The following CCDC163 variants were observed in gnomAD, a reference collection of about 807,000 sequenced individuals.
CCDC163 encodes CCDC163 homolog.
CCDC163 carries 13 observed loss-of-function variants against 8.2 expected under a neutral mutation model. The observed-to-expected ratio is 1.59, with a 90% confidence interval of 1.04 to 2.54. The LOEUF (loss-of-function observed/expected upper bound fraction) is 2.54. CCDC163 is among the 30% of genes most tolerant of loss of function. The pLI is 0.00. For synonymous variants in CCDC163, 41 were observed against 30.9 expected (o/e 1.33, Z -1.08); for missense variants, 117 against 78.6 (o/e 1.49, Z -1.85).
At chr1:45,497,806 G>T (rs61788327) in intron 2 of CCDC163, among the ~76,000 whole-genome samples, 11 of 144,934 alleles carry the variant, frequency 7.6e-5, no homozygotes, top group Non-Finnish European at 1.7e-4. Flanking sequence ...GGAGGTGAGG[G>T]GTGCCTCTGC....
At chr1:45,495,266 G>A in intron 4 of CCDC163, 100 bp from the exon 5 acceptor site, 2 of 744,140 alleles carry the variant, frequency 2.7e-6, no homozygotes, top group Non-Finnish European at 5.0e-6. Context: ...GGGACATAGA[G>A]GACTGACAGG....
At chr1:45,496,481 C>T (rs547233469) in intron 4 of CCDC163, 75 bp downstream of exon 4, 13 of 738,370 alleles carry the variant, frequency 1.8e-5, no homozygotes, top group East Asian at 1.3e-4. Context: ...GGCCTCCCTG[C>T]AGAACAGGAT....
In CCDC163 at chr1:45,497,398, C is replaced by G. The variant is rs943050159; in HGVS notation, c.178-15G>C. 1 of 777,084 alleles carries G rather than the reference C, an allele frequency of 1.3e-6. No individual in the cohort carries two copies. Among genetic ancestry groups the G allele is most frequent in the Non-Finnish European group, 2.4e-6 (1 of 416,228 alleles). 48.1% of individuals were successfully genotyped at this position (777,084 alleles called of 1,614,324 possible). On this transcript the variant is annotated splice_polypyrimidine_tract_variant and intron_variant, in intron 2 of 4. Transcript: ENST00000629482. ...GCAGTGCTATTCTAAAGTCAATCAA[C>G]AAATCCAGAGTAAGAAGGCAAGTAG...
chr1:45,499,181 C>A (rs930937195), intron 2 of CCDC163, among the ~76,000 whole-genome samples, 164 bp downstream of exon 2: 1 of 152,130 alleles, frequency 6.6e-6, no homozygotes, highest in African/African-American at 2.4e-5. Context: ...CCAGCCAGGT[C>A]CCCGGCTGAG....
intron 4 of CCDC163, chr1:45,496,308 T>C: frequency 1.7e-6 from 1 of 577,570 alleles, no homozygotes; most frequent in East Asian, 3.2e-5. Context: ...TCTCCCTCTC[T>C]CCCTCCCCAT....
chr1:45,498,827 T>C, intron 2 of CCDC163, among the ~76,000 whole-genome samples: 1 of 152,228 alleles, frequency 6.6e-6, no homozygotes, highest in East Asian at 1.9e-4. Context: ...GATCTGGTAC[T>C]TCTGCTGCTC....
rs546419638 is a variant in CCDC163 at position 45,497,065 on chromosome 1, CAGG to C, written c.262+231_262+233del. Among the ~76,000 whole-genome samples the C allele has an allele frequency of 2.0e-5, 3 of 152,070 alleles. No individual in the cohort carries two copies. The South Asian group carries it at 6.2e-4, about 32-fold the overall frequency. On this transcript the variant is annotated intron_variant, in intron 3 of 4. Transcript: ENST00000629482. ...GCGGGCACCTGTAATCCCAGCTACT[CAGG>C]AGGCTGAGGCAGGAGAATCGCTTGG...
At chr1:45,496,512 C>T (rs1393885505) in intron 4 of CCDC163, 44 bp downstream of exon 4, 5 of 772,156 alleles carry the variant, frequency 6.5e-6, no homozygotes, top group Non-Finnish European at 7.2e-6. Flanking sequence ...AGGAAAGGTC[C>T]TCCATAGAGA....
At chr1:45,495,443 A>G in intron 4 of CCDC163, 3 of 702,828 alleles carry the variant, frequency 4.3e-6, no homozygotes, top group Non-Finnish European at 5.2e-6. Flanking sequence ...GTTCCCAGCT[A>G]CTGTTACTGT....
intron 2 of CCDC163, among the ~76,000 whole-genome samples, chr1:45,498,942 TATCCTC>T (rs376050594): frequency 2.0e-5 from 3 of 152,316 alleles, no homozygotes; most frequent in African/African-American, 7.2e-5. Flanking sequence ...CGACCCCTAG[TATCCTC>T]ATCTTACACA....
rs940396219 is a variant in CCDC163 at position 45,500,043 on chromosome 1, G to C, written c.-434C>G. The stretch of plus-strand genomic sequence containing the variant: ...CTGGGAAACTGAGGTCGCCTCTTGC[G>C]AACACAACCGGCGATGGAGGCGGTG... On this transcript the variant is annotated 5_prime_UTR_variant, in exon 1 of 5. Transcript: ENST00000629482. 1.9e-6 allele frequency: 1 copy of C among 534,304 alleles called. No individual in the cohort carries two copies. Among genetic ancestry groups the C allele is most frequent in the Non-Finnish European group, 3.4e-6 (1 of 295,316 alleles). 33.1% of individuals were successfully genotyped at this position (534,304 alleles called of 1,614,324 possible).
At chr1:45,495,581 A>G in intron 4 of CCDC163, 2 of 700,152 alleles carry the variant, frequency 2.9e-6, no homozygotes, top group South Asian at 3.0e-5. Flanking sequence ...CAGAGAAGAT[A>G]ATGATGTATC....
At chr1:45,497,166 C>A (rs892951423) in intron 3 of CCDC163, 133 bp downstream of exon 3, 2 of 540,656 alleles carry the variant, frequency 3.7e-6, no homozygotes, top group East Asian at 3.1e-5. Context: ...GGCAACAGAG[C>A]GAGGCTGGGC....
In CCDC163 at chr1:45,497,336, A is replaced by C. The variant is rs1295568441; in HGVS notation, c.225T>G (p.Ile75Met). 7.7e-6 allele frequency: 6 copies of C among 780,130 alleles called. No individual in the cohort carries two copies. In the Admixed American group the frequency reaches 1.0e-4, roughly 13 times the overall value. The allele number at this position is 780,130 out of a possible 1,614,324, so 48.3% of individuals were successfully genotyped here. A position where few individuals can be genotyped will look rare whatever the true frequency, so the allele number is the denominator to read the frequency against. ...GCAGCAACTTCAATTCCTTCTGCATAATCTCTGACTCCTCCCACAGCACTG... is the reference window on the plus strand; with the variant it reads ...GCAGCAACTTCAATTCCTTCTGCATCATCTCTGACTCCTCCCACAGCACTG... ...TPAVLWEESE[I>M]MQKELKLLQY... Residue 75 changes from isoleucine (I) to methionine (M), a missense_variant, in exon 3 of 5, where the codon ATT becomes ATG. Ile to Met is a conservative substitution (Grantham distance 10). Transcript: ENST00000629482.
intron 2 of CCDC163, among the ~76,000 whole-genome samples, chr1:45,497,689 C>T (rs1557600309): frequency 1.6e-5 from 1 of 61,762 alleles, no homozygotes; most frequent in Admixed American, 2.1e-4. Flanking sequence ...CGGCAGCCAC[C>T]CCGTCCGGGA....
intron 2 of CCDC163, among the ~76,000 whole-genome samples, chr1:45,498,203 AC>A (rs1643413038): frequency 6.6e-6 from 1 of 151,874 alleles, no homozygotes; most frequent in South Asian, 2.1e-4. Flanking sequence ...AAGAGTCATC[AC>A]CACTCCCTAA....
In CCDC163 at chr1:45,499,614, TGTGGCAGGGGA is replaced by T. The variant is rs762454996; in HGVS notation, c.-16_-6del. On this transcript the variant is annotated 5_prime_UTR_variant, in exon 1 of 5. Coordinates refer to ENST00000629482, the MANE Select transcript of CCDC163 (RefSeq NM_001102601.3). Reference sequence around the variant, plus strand: ...CCAGCTGAGGCTCGTATTCATATCCTGTGGCAGGGGAGCGGCAGGGGTCTGGCTCCCTGGTG... The same window carrying T: ...CCAGCTGAGGCTCGTATTCATATCCTGCGGCAGGGGTCTGGCTCCCTGGTG... 1.3e-6 allele frequency: 1 copy of T among 765,624 alleles called. No individual in the cohort carries two copies. Among genetic ancestry groups the T allele is most frequent in the Non-Finnish European group, 2.4e-6 (1 of 410,868 alleles). The allele number at this position is 765,624 out of a possible 1,614,324, so 47.4% of individuals were successfully genotyped here. A position where few individuals can be genotyped will look rare whatever the true frequency, so the allele number is the denominator to read the frequency against.
Position 45,495,497 on chromosome 1 carries a change from G to C in CCDC163, c.331-331C>G, listed in dbSNP as rs756059623. The C allele has an allele frequency of 1.0e-5, 7 of 702,796 alleles. No individual in the cohort carries two copies. The African/African-American group carries it at 1.2e-4, about 12-fold the overall frequency. The allele number at this position is 702,796 out of a possible 1,614,324, so 43.5% of individuals were successfully genotyped here. A position where few individuals can be genotyped will look rare whatever the true frequency, so the allele number is the denominator to read the frequency against. On this transcript the variant is annotated intron_variant, in intron 4 of 4. Coordinates refer to ENST00000629482, the MANE Select transcript of CCDC163 (RefSeq NM_001102601.3). ...AGCTGGATGAAGAAACAGACATGGT[G>C]AAGGTAGTGGGCAGAGGCAGCTTAG... is the stretch of plus-strand genomic sequence containing the variant.
At chr1:45,499,494 C>T (rs1391948578) in intron 1 of CCDC163, 38 bp downstream of exon 1, 3 of 777,260 alleles carry the variant, frequency 3.9e-6, no homozygotes, top group South Asian at 1.4e-5. Flanking sequence ...GTCCCTTAGC[C>T]TCCCCACGCA....
Sources: gnomAD v4.1 joint callset for allele counts (sites outside exome capture counted in the v4.1 genomes callset) on GRCh38, gnomAD v4.1.1 for gene constraint, MANE v1.5 for transcripts, NCBI Gene and HGNC (gene_info 2026-07-23, HGNC 2026-07-21) for gene names.